PCDHGA4: variants seen among roughly 807,000 people sequenced by gnomAD.
PCDHGA4 encodes the protein protocadherin gamma subfamily A, 4, also known as protocadherin gamma-A4.
In PCDHGA4, 38 loss-of-function variants were observed where a neutral mutation model predicts 54.6. The observed-to-expected ratio is 0.70, with a 90% confidence interval of 0.54 to 0.91. The LOEUF (loss-of-function observed/expected upper bound fraction) is 0.91, where lower values mean the gene tolerates loss of function less well. Among genes scored for constraint, PCDHGA4 ranks in the 40% least tolerant of loss-of-function variants. The probability of loss-of-function intolerance (pLI) is 0.00; values close to 1 mark genes in which losing one functional copy is unlikely to be tolerated. For missense variants in PCDHGA4, 1,298 were observed against 1,220.9 expected (o/e 1.06, Z -0.94); for synonymous variants, 511 against 512.9 (o/e 1.00, Z 0.05).
intron 1 of PCDHGA4, among the ~76,000 whole-genome samples, chr5:141,464,197 G>A (rs1216682352): frequency 3.3e-5 from 5 of 151,394 alleles, no homozygotes; most frequent in African/African-American, 9.7e-5. Context: ...TTCAGGAGGC[G>A]GAGATTGCAG....
intron 1 of PCDHGA4, among the ~76,000 whole-genome samples, chr5:141,368,324 T>C (rs1238974511): frequency 6.6e-6 from 1 of 152,186 alleles, no homozygotes; most frequent in East Asian, 1.9e-4. Context: ...CATTCAAGTA[T>C]ATCTATATCT....
rs375516156 is a variant in PCDHGA4 at position 141,510,311 on chromosome 5, C to G, written c.2663-636C>G. Among the ~76,000 whole-genome samples, 70 of 151,056 alleles carry G rather than the reference C, an allele frequency of 4.6e-4. No homozygotes were observed. The South Asian group carries it at 0.014, about 31-fold the overall frequency. On this transcript the variant is annotated intron_variant, in intron 3 of 3. Transcript: ENST00000571252. The stretch of plus-strand genomic sequence containing the variant: ...AAAAAATGCTGTTTTGAAATGGAGG[C>G]TTGGAAGAGCACTCTTCACCCCCAC...
Position 141,356,389 on chromosome 5 carries a change from A to C in PCDHGA4, c.1282A>C (p.Thr428Pro), listed in dbSNP as rs1291017239. The C allele has an allele frequency of 6.4e-7, 1 of 1,574,322 alleles. No individual in the cohort carries two copies. The change falls in exon 1 of 4, where the codon ACC becomes CCC. Residue 428 changes from threonine (T) to proline (P), a missense_variant. Coordinates refer to ENST00000571252, the MANE Select transcript of PCDHGA4 (RefSeq NM_018917.4). Reference sequence around the variant, plus strand: ...TAATCTGCCATTCACACTTGAAAAGACCTATGGAAATTATTATCGGTTGTT... The same window carrying C: ...TAATCTGCCATTCACACTTGAAAAGCCCTATGGAAATTATTATCGGTTGTT... ...PDNLPFTLEKTYGNYYRLLTH... is the reference protein window; with the variant it reads ...PDNLPFTLEKPYGNYYRLLTH...
intron 1 of PCDHGA4, among the ~76,000 whole-genome samples, chr5:141,464,921 G>A (rs1562002597): frequency 6.6e-6 from 1 of 151,106 alleles, no homozygotes; most frequent in Non-Finnish European, 1.5e-5. Flanking sequence ...TTATTTTTTT[G>A]TAGAGATGTG....
At chr5:141,459,263 C>T (rs2098964603) in intron 1 of PCDHGA4, among the ~76,000 whole-genome samples, 1 of 152,176 alleles carries the variant, frequency 6.6e-6, no homozygotes, top group South Asian at 2.1e-4. Flanking sequence ...ATTAGTGTTG[C>T]CTCTTTCAGA....
At chr5:141,360,760 C>T (rs1420224824) in intron 1 of PCDHGA4, 2 of 1,613,820 alleles carry the variant, frequency 1.2e-6, no homozygotes, top group East Asian at 4.5e-5. Context: ...CAGTTTACAT[C>T]AATTGGTCCT....
At chr5:141,391,471 C>G (rs2092375745) in intron 1 of PCDHGA4, 1 of 152,152 alleles carries the variant, frequency 6.6e-6, no homozygotes, top group Non-Finnish European at 1.5e-5. Flanking sequence ...GCCACCAGAC[C>G]TGGCTAATTT....
intron 1 of PCDHGA4, among the ~76,000 whole-genome samples, chr5:141,469,186 G>T (rs536021769): frequency 6.6e-6 from 1 of 151,978 alleles, no homozygotes; most frequent in Admixed American, 6.6e-5. Flanking sequence ...TGAGGCAAGA[G>T]GATTGCTTGA....
At chr5:141,495,591 C>G (rs2099762279) in intron 2 of PCDHGA4, among the ~76,000 whole-genome samples, 3 of 152,222 alleles carry the variant, frequency 2.0e-5, no homozygotes, top group African/African-American at 7.2e-5. Context: ...CCATCTCTGT[C>G]TTAGCTTCCG....
chr5:141,355,325 G>C lies in PCDHGA4; in HGVS notation c.218G>C (p.Gly73Ala). ...LYSVFEEQEEGSVVGNIAKDL... is the reference protein window; with the variant it reads ...LYSVFEEQEEASVVGNIAKDL... Reference sequence around the variant, plus strand: ...TCGGTGTTTGAGGAGCAGGAAGAAGGCTCAGTGGTGGGCAACATCGCCAAG... The same window carrying C: ...TCGGTGTTTGAGGAGCAGGAAGAAGCCTCAGTGGTGGGCAACATCGCCAAG... Residue 73 changes from glycine (G) to alanine (A), a missense_variant, in exon 1 of 4, where the codon GGC becomes GCC. Transcript: ENST00000571252. The C allele has an allele frequency of 6.2e-7, 1 of 1,614,010 alleles. No homozygotes were observed. The highest frequency in any genetic ancestry group is 1.7e-5 in the Admixed American group (1 of 60,034).
At chr5:141,402,456 C>T (rs1052745008) in intron 1 of PCDHGA4, among the ~76,000 whole-genome samples, 1 of 152,050 alleles carries the variant, frequency 6.6e-6, no homozygotes, top group African/African-American at 2.4e-5. Flanking sequence ...TAATAGTTTA[C>T]ATATCTAGAA....
intron 1 of PCDHGA4, chr5:141,410,849 C>CTTTTTTTTTTTTTTTTTTGTTTTTTTT (rs2095435748): frequency 1.5e-5 from 2 of 129,786 alleles, no homozygotes; most frequent in Non-Finnish European, 2.6e-5. Context: ...TTGTCTTTGT[C>CTTTTTTTTTTTTTTTTTTGTTTTTTTT]TTTTTTTTTT....
intron 1 of PCDHGA4, chr5:141,417,635 G>C (rs1195744332): frequency 1.4e-6 from 1 of 724,902 alleles, no homozygotes; most frequent in Non-Finnish European, 2.1e-6. Flanking sequence ...CTGACGCCGG[G>C]GATCCCTCAG....
chr5:141,450,817 A>G, intron 1 of PCDHGA4, among the ~76,000 whole-genome samples: 1 of 137,534 alleles, frequency 7.3e-6, no homozygotes, highest in East Asian at 2.1e-4. Context: ...TTTATTTAAT[A>G]TTATTATTAT....
At chr5:141,387,728 C>A (rs1366349422) in intron 1 of PCDHGA4, 3 of 1,221,130 alleles carry the variant, frequency 2.5e-6, no homozygotes, top group Non-Finnish European at 2.2e-6. Flanking sequence ...TCCCCAGCGC[C>A]AGCCTTTACA....
chr5:141,460,430 G>T (rs1163518139), intron 1 of PCDHGA4, among the ~76,000 whole-genome samples: 2 of 152,110 alleles, frequency 1.3e-5, no homozygotes, highest in African/African-American at 4.8e-5. Flanking sequence ...ATGGTGTATG[G>T]TGTGAGGTAA....
intron 1 of PCDHGA4, among the ~76,000 whole-genome samples, chr5:141,442,843 G>C (rs1264073611): frequency 2.0e-5 from 3 of 152,134 alleles, no homozygotes; most frequent in African/African-American, 7.2e-5. Flanking sequence ...GACAAATCTT[G>C]GCCATTGTAG....
rs528069305 is a variant in PCDHGA4, at chr5:141,457,143, T to A, written c.2515-37664T>A. Among the ~76,000 whole-genome samples the A allele has an allele frequency of 5.3e-5, 8 of 152,334 alleles. No homozygotes were observed. In the South Asian group the frequency reaches 1.5e-3, roughly 28 times the overall value. On this transcript the variant is annotated intron_variant, in intron 1 of 3. Transcript: ENST00000571252. ...ATGGAAACTCTGTCCAATATTTCAG[T>A]TAGAAGGTGCTACCATGGATAACCC...
intron 1 of PCDHGA4, chr5:141,399,021 C>T (rs2093739749): frequency 1.2e-6 from 2 of 1,613,862 alleles, no homozygotes; most frequent in Non-Finnish European, 1.7e-6. Context: ...GAGAAATTAC[C>T]ACTCAAAAGA....
Sources: gnomAD v4.1 joint callset for allele counts (sites outside exome capture counted in the v4.1 genomes callset) on GRCh38, gnomAD v4.1.1 for gene constraint, MANE v1.5 for transcripts, NCBI Gene and HGNC (gene_info 2026-07-23, HGNC 2026-07-21) for gene names.